FAT3: variants seen among roughly 807,000 people sequenced by gnomAD.
FAT3 encodes protocadherin Fat 3.
A neutral mutation model predicts 310.2 loss-of-function variants in FAT3; 95 were observed. The observed-to-expected ratio is 0.31, with a 90% CI of 0.26 to 0.36. The LOEUF is 0.36. Among genes scored for constraint, FAT3 ranks in the 10% least tolerant of loss-of-function variants. The pLI is 1.00. For missense variants in FAT3, 5,408 were observed against 5,715.6 expected (o/e 0.95, Z 1.74); for synonymous variants, 2,314 against 2,192.9 (o/e 1.06, Z -1.54).
At chr11:92,409,581 G>A (rs980222099) in intron 2 of FAT3, among the ~76,000 whole-genome samples, 6 of 152,036 alleles carry the variant, frequency 3.9e-5, no homozygotes, top group Non-Finnish European at 5.9e-5. Context: ...TAATGTGACA[G>A]GAGGAGGAAA....
chr11:92,575,233 A>G (rs185734387), intron 3 of FAT3, among the ~76,000 whole-genome samples: 13 of 152,170 alleles, frequency 8.5e-5, no homozygotes, highest in African/African-American at 2.2e-4. Context: ...ACGCCAACCC[A>G]TTATCTGGCT....
At chr11:92,853,394 A>AG (rs1948884505) in intron 19 of FAT3, among the ~76,000 whole-genome samples, 2 of 152,214 alleles carry the variant, frequency 1.3e-5, no homozygotes, top group South Asian at 4.1e-4. Flanking sequence ...ACAGAACCTC[A>AG]AAGAGAGTGT....
chr11:92,341,577 CA>C (rs1393084555), intron 1 of FAT3, among the ~76,000 whole-genome samples: 1 of 152,218 alleles, frequency 6.6e-6, no homozygotes, highest in East Asian at 1.9e-4. Flanking sequence ...GGATTGTCAG[CA>C]AACTTTTGGA....
At chr11:92,310,038 T>G (rs1024021032) in intron 1 of FAT3, among the ~76,000 whole-genome samples, 1 of 152,132 alleles carries the variant, frequency 6.6e-6, no homozygotes, top group Non-Finnish European at 1.5e-5. Flanking sequence ...GTCTATTCAC[T>G]TGTTTTCAAA....
chr11:92,320,847 G>A (rs1947595981), intron 1 of FAT3, among the ~76,000 whole-genome samples: 1 of 147,028 alleles, frequency 6.8e-6, no homozygotes, highest in South Asian at 2.2e-4. Flanking sequence ...TCCAGCCTGG[G>A]CAATGGAGCG....
chr11:92,658,409 G>A (rs1409444790), intron 3 of FAT3, among the ~76,000 whole-genome samples: 1 of 152,122 alleles, frequency 6.6e-6, no homozygotes, highest in East Asian at 1.9e-4. Flanking sequence ...CTACCATATT[G>A]CACAGCACAG....
At chr11:92,610,218 T>C (rs1003704819) in intron 3 of FAT3, among the ~76,000 whole-genome samples, 3 of 152,238 alleles carry the variant, frequency 2.0e-5, no homozygotes, top group Non-Finnish European at 4.4e-5. Context: ...TCAGTTACCC[T>C]TGCAGAAAAT....
At chr11:92,757,952 A>G (rs537727420) in intron 4 of FAT3, among the ~76,000 whole-genome samples, 3 of 152,186 alleles carry the variant, frequency 2.0e-5, no homozygotes, top group Non-Finnish European at 4.4e-5. Context: ...TCAGTTATGT[A>G]AACTGGGTAT....
chr11:92,567,606 A>T (rs977387069), intron 3 of FAT3, among the ~76,000 whole-genome samples: 1 of 151,992 alleles, frequency 6.6e-6, no homozygotes, highest in East Asian at 1.9e-4. Flanking sequence ...TTGCGGCACT[A>T]TTCACAATAG....
intron 19 of FAT3, among the ~76,000 whole-genome samples, chr11:92,849,100 T>A (rs955708117): frequency 6.6e-6 from 1 of 152,204 alleles, no homozygotes; most frequent in Non-Finnish European, 1.5e-5. Context: ...CTCATTAACT[T>A]TTTTCAAAAA....
chr11:92,739,999 G>A (rs1029711525), intron 4 of FAT3, among the ~76,000 whole-genome samples: 1 of 152,062 alleles, frequency 6.6e-6, no homozygotes, highest in Non-Finnish European at 1.5e-5. Flanking sequence ...CAACTATCTG[G>A]GCAATGTCAT....
At chr11:92,841,363 G>C (rs1460282356) in intron 18 of FAT3, among the ~76,000 whole-genome samples, 2 of 152,210 alleles carry the variant, frequency 1.3e-5, no homozygotes, top group African/African-American at 4.8e-5. Context: ...GGGAAACTGA[G>C]TGACTTTTTC....
chr11:92,555,021 A>T (rs957692116), intron 3 of FAT3, among the ~76,000 whole-genome samples: 3 of 151,574 alleles, frequency 2.0e-5, no homozygotes, highest in Non-Finnish European at 4.4e-5. Flanking sequence ...ACTACAGAGC[A>T]ATGGTTTTCA....
At position 92,395,993 on chromosome 11, in the gene FAT3, T is replaced by G. The variant is rs142883782; in HGVS notation, c.3292+40589T>G. Among the ~76,000 whole-genome samples, 573 of 152,252 alleles carry G rather than the reference T, an allele frequency of 3.8e-3. 1 individual carries two copies. The highest frequency in any genetic ancestry group is 0.013 in the African/African-American group (524 of 41,548). Reference sequence around the variant, plus strand: ...TAAATTCATTTGGGTGTCTTTTCCCTTAGGAGAAATTAGTGTTTTACCCTG... The same window carrying G: ...TAAATTCATTTGGGTGTCTTTTCCCGTAGGAGAAATTAGTGTTTTACCCTG... On this transcript the variant is annotated intron_variant, in intron 2 of 27. Transcript: ENST00000525166.
intron 22 of FAT3, among the ~76,000 whole-genome samples, chr11:92,875,636 T>C (rs914876839): frequency 7.9e-5 from 12 of 152,144 alleles, no homozygotes; most frequent in Non-Finnish European, 1.3e-4. Context: ...ACTTCCACCA[T>C]GGCTGATGTC....
At chr11:92,231,960 G>A (rs917332415) in intron 1 of FAT3, among the ~76,000 whole-genome samples, 2 of 152,204 alleles carry the variant, frequency 1.3e-5, no homozygotes, top group South Asian at 2.1e-4. Context: ...TTAAGTCTAT[G>A]TGATCAATAT....
In FAT3 at chr11:92,412,732, T is replaced by TATATACACAC. The variant is rs1565296339; in HGVS notation, c.3292+57333_3292+57334insCACACATATA. Among the ~76,000 whole-genome samples, 20 of 17,954 alleles carry TATATACACAC rather than the reference T, an allele frequency of 1.1e-3. 2 individuals are homozygous for TATATACACAC. The highest frequency in any genetic ancestry group is 2.6e-3 in the Non-Finnish European group (15 of 5,712). The allele number at this position is 17,954 out of a possible 152,430, so 11.8% of individuals were successfully genotyped here. A position where few individuals can be genotyped will look rare whatever the true frequency, so the allele number is the denominator to read the frequency against. ...ATATATATATATATATATATATATA[T>TATATACACAC]ATATATATATATAAATATACATACA... is the stretch of plus-strand genomic sequence containing the variant. On this transcript the variant is annotated intron_variant, in intron 2 of 27. Transcript: ENST00000525166.
chr11:92,394,205 A>G (rs1949808842), intron 2 of FAT3, among the ~76,000 whole-genome samples: 1 of 152,204 alleles, frequency 6.6e-6, no homozygotes, highest in Non-Finnish European at 1.5e-5. Context: ...GCAGCGGCTC[A>G]CACCTGTAAT....
At chr11:92,538,352 C>T (rs1954328503) in intron 3 of FAT3, among the ~76,000 whole-genome samples, 1 of 152,102 alleles carries the variant, frequency 6.6e-6, no homozygotes, top group African/African-American at 2.4e-5. Context: ...TCACATACTA[C>T]CCATAAGGCA....
Sources: allele counts gnomAD v4.1 joint callset (sites outside exome capture counted in the v4.1 genomes callset), GRCh38; gene constraint gnomAD v4.1.1; transcripts MANE v1.5; gene names NCBI Gene and HGNC (gene_info 2026-07-23, HGNC 2026-07-21).